CNTNAP2: variants seen among roughly 807,000 people sequenced by gnomAD.
CNTNAP2 encodes the protein contactin-associated protein-like 2.
CNTNAP2 carries 98 observed loss-of-function variants against 155.2 expected under a neutral mutation model. The observed-to-expected ratio is 0.63, with a 90% CI of 0.54 to 0.75. The LOEUF is 0.75. Among genes scored for constraint, CNTNAP2 ranks in the 30% least tolerant of loss-of-function variants. The pLI, the probability that CNTNAP2 is intolerant of heterozygous loss-of-function variation, is 0.00. For missense variants in CNTNAP2, 1,727 were observed against 1,688.1 expected, an observed-to-expected ratio of 1.02 and a Z score of -0.40; for synonymous variants, 651 against 631.2, an observed-to-expected ratio of 1.03 and a Z score of -0.47.
At chr7:148,240,200 A>G (rs4726934) in intron 20 of CNTNAP2, among the ~76,000 whole-genome samples, 109,086 of 152,092 alleles carry the variant, frequency 0.72, 40,297 homozygotes, top group East Asian at 0.95. Context: ...TTGGATAGAT[A>G]ATGATGAGTT....
At chr7:147,471,258 T>TAA (rs906100802) in intron 10 of CNTNAP2, among the ~76,000 whole-genome samples, 13 of 152,158 alleles carry the variant, frequency 8.5e-5, no homozygotes, top group African/African-American at 2.9e-4. Flanking sequence ...ACCTGAAACT[T>TAA]AAAAAATTTA....
chr7:146,660,906 A>G (rs2129165923), intron 1 of CNTNAP2, among the ~76,000 whole-genome samples: 1 of 152,314 alleles, frequency 6.6e-6, no homozygotes, highest in Non-Finnish European at 1.5e-5. Context: ...CCACCTCACC[A>G]TAGCAAGAAG....
At chr7:146,973,566 C>T (rs1217387605) in intron 3 of CNTNAP2, among the ~76,000 whole-genome samples, 1 of 152,086 alleles carries the variant, frequency 6.6e-6, no homozygotes, top group Non-Finnish European at 1.5e-5. Flanking sequence ...GGATAATAAA[C>T]CTATGTTAAG....
chr7:147,169,536 G>T (rs1331754483), intron 8 of CNTNAP2, among the ~76,000 whole-genome samples: 1 of 151,550 alleles, frequency 6.6e-6, no homozygotes, highest in Non-Finnish European at 1.5e-5. Flanking sequence ...GCGGTATTTG[G>T]TTTTCTTTTC....
chr7:146,147,391 G>T (rs1461042982), intron 1 of CNTNAP2, among the ~76,000 whole-genome samples: 1 of 152,106 alleles, frequency 6.6e-6, no homozygotes, highest in Admixed American at 6.6e-5. Context: ...TAAAATACAT[G>T]TCTTGTGAAA....
At chr7:146,573,736 A>G (rs2129146518) in intron 1 of CNTNAP2, among the ~76,000 whole-genome samples, 1 of 152,250 alleles carries the variant, frequency 6.6e-6, no homozygotes, top group South Asian at 2.1e-4. Flanking sequence ...TGCGTTCCTG[A>G]GCCTTTAGTG....
intron 1 of CNTNAP2, among the ~76,000 whole-genome samples, chr7:146,371,099 A>C (rs1795227201): frequency 6.6e-6 from 1 of 151,998 alleles, no homozygotes; most frequent in South Asian, 2.1e-4. Flanking sequence ...TTTTCTATAT[A>C]GCTAATCATA....
intron 14 of CNTNAP2, among the ~76,000 whole-genome samples, chr7:147,970,969 G>A (rs1247301479): frequency 2.0e-5 from 3 of 152,172 alleles, no homozygotes; most frequent in East Asian, 1.9e-4. Flanking sequence ...CTATATAGAG[G>A]TCAAAGGTGA....
intron 11 of CNTNAP2, among the ~76,000 whole-genome samples, chr7:147,536,751 A>C (rs902740406): frequency 8.5e-5 from 13 of 152,190 alleles, no homozygotes; most frequent in African/African-American, 3.1e-4. Flanking sequence ...CCATCAGACT[A>C]AAATTTTTCA....
At chr7:146,486,850 C>G (rs1396496267) in intron 1 of CNTNAP2, among the ~76,000 whole-genome samples, 3 of 152,102 alleles carry the variant, frequency 2.0e-5, no homozygotes, top group Admixed American at 6.6e-5. Context: ...TCTTGGCTCC[C>G]TAAGTATTAC....
chr7:147,369,111 C>T (rs557739482), intron 9 of CNTNAP2, among the ~76,000 whole-genome samples: 26 of 152,280 alleles, frequency 1.7e-4, no homozygotes, highest in African/African-American at 5.8e-4. Flanking sequence ...TTTCTAACCA[C>T]GTTAAATACT....
At chr7:146,422,627 T>C (rs566744773) in intron 1 of CNTNAP2, among the ~76,000 whole-genome samples, 1 of 152,142 alleles carries the variant, frequency 6.6e-6, no homozygotes, top group African/African-American at 2.4e-5. Context: ...CAATGCTGTT[T>C]TATTTTTATA....
intron 14 of CNTNAP2, among the ~76,000 whole-genome samples, chr7:147,927,233 A>G (rs189154944): frequency 1.4e-4 from 22 of 152,332 alleles, no homozygotes; most frequent in Admixed American, 1.3e-3. Context: ...CCCCCAAACT[A>G]TCATAAGCCT....
At chr7:146,185,318 A>G (rs1402771251) in intron 1 of CNTNAP2, among the ~76,000 whole-genome samples, 1 of 152,178 alleles carries the variant, frequency 6.6e-6, no homozygotes, top group East Asian at 1.9e-4. Context: ...CAAACTGCAG[A>G]CTAAATCAGG....
In CNTNAP2 at chr7:148,413,404, ATATATATATATATATATATATAT is replaced by A. The variant is rs1799895879; in HGVS notation, c.3797-2012_3797-1990del. Among the ~76,000 whole-genome samples the A allele has an allele frequency of 4.9e-4, 12 of 24,642 alleles. 3 individuals are homozygous for A. The highest frequency in any genetic ancestry group is 1.4e-3 in the African/African-American group (11 of 7,812). 16.2% of individuals were successfully genotyped at this position (24,642 alleles called of 152,430 possible). A position where few individuals can be genotyped will look rare whatever the true frequency, so the allele number is the denominator to read the frequency against. ...TGAAACTCCGTCTCAAAAAAAAAAT[ATATATATATATATATATATATAT>A]ATATATATATATATATATATTGCTC... On this transcript the variant is annotated intron_variant, in intron 23 of 23. Coordinates refer to ENST00000361727, the MANE Select transcript of CNTNAP2 (RefSeq NM_014141.6).
chr7:147,878,786 A>G (rs1418250643), intron 13 of CNTNAP2, among the ~76,000 whole-genome samples: 1 of 152,198 alleles, frequency 6.6e-6, no homozygotes, highest in Non-Finnish European at 1.5e-5. Context: ...TTTAAGTCTG[A>G]CAGTGGCAGG....
chr7:147,064,729 A>C (rs939423773), intron 4 of CNTNAP2, among the ~76,000 whole-genome samples: 1 of 152,180 alleles, frequency 6.6e-6, no homozygotes, highest in Non-Finnish European at 1.5e-5. Flanking sequence ...ATAAAGAAGA[A>C]ATTACTGTAG....
chr7:148,274,589 C>G (rs1360196725), intron 21 of CNTNAP2, among the ~76,000 whole-genome samples: 1 of 152,150 alleles, frequency 6.6e-6, no homozygotes, highest in African/African-American at 2.4e-5. Context: ...CACCTCCCCC[C>G]AACACTCTTC....
intron 1 of CNTNAP2, among the ~76,000 whole-genome samples, chr7:146,584,049 A>C (rs1798651046): frequency 6.6e-6 from 1 of 152,186 alleles, no homozygotes; most frequent in Non-Finnish European, 1.5e-5. Flanking sequence ...TAGCAGCCCA[A>C]GTTTTCATAT....
Sources: gnomAD v4.1 joint callset for allele counts (sites outside exome capture counted in the v4.1 genomes callset) on GRCh38, gnomAD v4.1.1 for gene constraint, MANE v1.5 for transcripts, NCBI Gene and HGNC (gene_info 2026-07-23, HGNC 2026-07-21) for gene names.